The following PLCB1 variants were observed in gnomAD, a reference collection of about 807,000 sequenced individuals.
PLCB1 encodes the protein phospholipase C beta 1, also known as 1-phosphatidylinositol 4,5-bisphosphate phosphodiesterase beta-1.
Under a neutral mutation model 161.8 loss-of-function variants are expected in PLCB1, and 46 were observed. The observed-to-expected ratio is 0.28, with a 90% CI of 0.22 to 0.36. The LOEUF (loss-of-function observed/expected upper bound fraction) is 0.36. Ranked by LOEUF, PLCB1 falls within the 10% of genes least tolerant of loss-of-function variation. The pLI, the probability that PLCB1 is intolerant of heterozygous loss-of-function variation, is 1.00. For synonymous variants in PLCB1, 517 were observed against 503.7 expected, an observed-to-expected ratio of 1.03 and a Z score of -0.35; for missense variants, 1,016 against 1,472.5, an observed-to-expected ratio of 0.69 and a Z score of 5.07.
rs989766792 is a variant in PLCB1 at position 8,774,573 on chromosome 20, A to G, written c.2965A>G (p.Thr989Ala). The G allele has an allele frequency of 2.5e-6, 4 of 1,613,522 alleles. No homozygotes were observed. The East Asian group carries it at 6.7e-5, about 27-fold the overall frequency. The change falls in exon 27 of 32, where the codon ACG (threonine) becomes GCG (alanine). Residue 989 changes from threonine (T) to alanine (A), a missense_variant. This residue lies in a region of PLCB1 where 398 missense variants were observed against 445.4 expected (regional missense o/e 0.89). Coordinates refer to ENST00000338037, the MANE Select transcript of PLCB1 (RefSeq NM_015192.4). Reference protein sequence around the residue: ...EPSSPDHGSSTIEQDLAALDA... With the variant: ...EPSSPDHGSSAIEQDLAALDA... ...CAGCAGCCCTGATCATGGTTCATCAACGATTGAGCAAGACCTCGCTGCTCT... is the reference window on the plus strand; with the variant it reads ...CAGCAGCCCTGATCATGGTTCATCAGCGATTGAGCAAGACCTCGCTGCTCT...
intron 3 of PLCB1, among the ~76,000 whole-genome samples, chr20:8,427,835 T>C (rs1979852717): frequency 6.6e-6 from 1 of 152,162 alleles, no homozygotes; most frequent in African/African-American, 2.4e-5. Context: ...TGAAAGAATA[T>C]CTTAAAGGAA....
At chr20:8,202,227 G>C (rs866632311) in intron 2 of PLCB1, among the ~76,000 whole-genome samples, 2 of 152,128 alleles carry the variant, frequency 1.3e-5, no homozygotes, top group East Asian at 1.9e-4. Flanking sequence ...ACAGGCATGC[G>C]CACCATGCCC....
At chr20:8,263,216 T>C (rs1365373561) in intron 2 of PLCB1, among the ~76,000 whole-genome samples, 2 of 152,160 alleles carry the variant, frequency 1.3e-5, no homozygotes, top group Non-Finnish European at 2.9e-5. Flanking sequence ...AAGTGTTCAG[T>C]AACTGGTAAC....
chr20:8,510,756 T>C (rs1484995984), intron 3 of PLCB1, among the ~76,000 whole-genome samples: 1 of 152,214 alleles, frequency 6.6e-6, no homozygotes, highest in African/African-American at 2.4e-5. Context: ...TGATTTTTAA[T>C]TGTCATTCTG....
chr20:8,669,186 A>T (rs537973072), intron 9 of PLCB1, among the ~76,000 whole-genome samples: 3 of 152,346 alleles, frequency 2.0e-5, no homozygotes, highest in Non-Finnish European at 4.4e-5. Context: ...ATATACTTCC[A>T]TTCATTCATC....
At chr20:8,735,425 G>A (rs535009866) in intron 19 of PLCB1, among the ~76,000 whole-genome samples, 4 of 152,314 alleles carry the variant, frequency 2.6e-5, no homozygotes, top group African/African-American at 9.6e-5. Context: ...AGTCTCCCCT[G>A]AATGGACAGT....
intron 3 of PLCB1, among the ~76,000 whole-genome samples, chr20:8,520,104 A>G (rs1225330292): frequency 6.6e-6 from 1 of 152,204 alleles, no homozygotes; most frequent in East Asian, 1.9e-4. Flanking sequence ...AATGATAAGA[A>G]AAGTCCCTTT....
chr20:8,622,286 A>G (rs1286967067), intron 3 of PLCB1, among the ~76,000 whole-genome samples: 1 of 152,114 alleles, frequency 6.6e-6, no homozygotes, highest in Middle Eastern at 3.4e-3. Context: ...TTAGTAGCCT[A>G]TCTGATGAAA....
At chr20:8,518,011 G>A (rs991341252) in intron 3 of PLCB1, among the ~76,000 whole-genome samples, 5 of 151,856 alleles carry the variant, frequency 3.3e-5, no homozygotes, top group East Asian at 1.9e-4. Context: ...GTGAAACCCC[G>A]TCTCTACTAA....
intron 31 of PLCB1, among the ~76,000 whole-genome samples, chr20:8,793,394 C>T (rs767579744): frequency 1.2e-4 from 19 of 152,044 alleles, no homozygotes; most frequent in Non-Finnish European, 2.2e-4. Context: ...CAGATGGTAT[C>T]GGGGAATCTG....
intron 2 of PLCB1, among the ~76,000 whole-genome samples, chr20:8,366,434 G>A (rs1049118761): frequency 6.6e-6 from 1 of 152,146 alleles, no homozygotes; most frequent in African/African-American, 2.4e-5. Context: ...ATCTTCAGCA[G>A]GGTGTCGTTC....
chr20:8,581,430 C>G (rs1986830451), intron 3 of PLCB1, among the ~76,000 whole-genome samples: 1 of 152,086 alleles, frequency 6.6e-6, no homozygotes, highest in Non-Finnish European at 1.5e-5. Context: ...TGAAATCTTG[C>G]TTGGGGTGGT....
chr20:8,498,926 C>T (rs1033372347), intron 3 of PLCB1, among the ~76,000 whole-genome samples: 6 of 152,088 alleles, frequency 3.9e-5, no homozygotes, highest in African/African-American at 9.7e-5. Context: ...AAGTACAGCA[C>T]GGGTCATTAG....
chr20:8,416,236 AT>A (rs1265387702), intron 3 of PLCB1, among the ~76,000 whole-genome samples: 1 of 152,094 alleles, frequency 6.6e-6, no homozygotes, highest in Admixed American at 6.5e-5. Context: ...GACAAGGGAG[AT>A]TTTTCTGATC....
At chr20:8,289,033 A>G (rs1983261450) in intron 2 of PLCB1, among the ~76,000 whole-genome samples, 2 of 152,108 alleles carry the variant, frequency 1.3e-5, no homozygotes, top group Non-Finnish European at 1.5e-5. Context: ...ATGAGGTAGG[A>G]ACTTTGGAAA....
At chr20:8,282,320 T>A (rs1358902466) in intron 2 of PLCB1, among the ~76,000 whole-genome samples, 1 of 152,192 alleles carries the variant, frequency 6.6e-6, no homozygotes, top group Non-Finnish European at 1.5e-5. Flanking sequence ...TATTCTTGAC[T>A]TTTATTACCT....
intron 3 of PLCB1, among the ~76,000 whole-genome samples, chr20:8,452,364 G>C (rs1461969466): frequency 6.6e-6 from 1 of 152,184 alleles, no homozygotes; most frequent in African/African-American, 2.4e-5. Context: ...AATGATTCAA[G>C]TAGATGCAAC....
chr20:8,179,462 TAC>T (rs1358727688), intron 2 of PLCB1, among the ~76,000 whole-genome samples: 2 of 152,224 alleles, frequency 1.3e-5, no homozygotes, highest in Admixed American at 6.5e-5. Context: ...ATAGAAATGC[TAC>T]CGAATTTCAT....
chr20:8,643,813 C>T (rs149387254), intron 4 of PLCB1, among the ~76,000 whole-genome samples: 18,270 of 148,480 alleles, frequency 0.12, 1,038 homozygotes, highest in Non-Finnish European at 0.16. Flanking sequence ...TCTCCCTCTC[C>T]CTCTCTTTCC....
Sources: allele counts gnomAD v4.1 joint callset (sites outside exome capture counted in the v4.1 genomes callset), GRCh38; gene constraint gnomAD v4.1.1; regional missense constraint gnomAD v4.1.1; transcripts MANE v1.5; gene names NCBI Gene and HGNC (gene_info 2026-07-23, HGNC 2026-07-21).